Variants in LRP1B observed in about 807,000 individuals in gnomAD.
LRP1B encodes the protein low-density lipoprotein receptor-related protein 1B.
Under a neutral mutation model 556.6 loss-of-function variants are expected in LRP1B, and 217 were observed. That is an observed-to-expected ratio of 0.39 (90% CI 0.35 to 0.44). The LOEUF is 0.44. Ranked by LOEUF, LRP1B falls within the 20% of genes least tolerant of loss-of-function variation. The pLI is 1.00. For synonymous variants in LRP1B, 2,047 were observed against 1,865.8 expected, an observed-to-expected ratio of 1.10 and a Z score of -2.50; for missense variants, 5,053 against 5,620.8, an observed-to-expected ratio of 0.90 and a Z score of 3.23.
intron 2 of LRP1B, among the ~76,000 whole-genome samples, chr2:141,575,509 A>C (rs916193591): frequency 2.0e-5 from 3 of 152,164 alleles, no homozygotes; most frequent in African/African-American, 7.2e-5. Flanking sequence ...TAGAAGAAAA[A>C]CTAGGCAATA....
chr2:140,599,148 T>A (rs1682555555), intron 42 of LRP1B, among the ~76,000 whole-genome samples: 5 of 152,124 alleles, frequency 3.3e-5, no homozygotes, highest in African/African-American at 1.2e-4. Context: ...AAAACAGTGA[T>A]CTTAAGTTTG....
At chr2:140,797,632 T>A (rs1261825126) in intron 32 of LRP1B, among the ~76,000 whole-genome samples, 1 of 152,080 alleles carries the variant, frequency 6.6e-6, no homozygotes. Flanking sequence ...ATGTTATAGA[T>A]CACTATTTTT....
chr2:140,958,259 T>C (rs1046614261), intron 18 of LRP1B, among the ~76,000 whole-genome samples: 23 of 151,554 alleles, frequency 1.5e-4, no homozygotes, highest in African/African-American at 5.6e-4. Flanking sequence ...AGGCTATAGA[T>C]TGAAATCTGA....
chr2:140,940,679 C>T (rs1695374231), intron 20 of LRP1B, among the ~76,000 whole-genome samples: 1 of 152,106 alleles, frequency 6.6e-6, no homozygotes, highest in South Asian at 2.1e-4. Context: ...CACTGATGGG[C>T]ATTTGAATTG....
intron 20 of LRP1B, among the ~76,000 whole-genome samples, chr2:140,949,477 A>T (rs1307793285): frequency 6.6e-6 from 1 of 152,086 alleles, no homozygotes; most frequent in Non-Finnish European, 1.5e-5. Context: ...CTTAGCTTGT[A>T]CTCTAGAAAG....
At chr2:140,393,103 C>CT (rs1437454858) in intron 66 of LRP1B, among the ~76,000 whole-genome samples, 1 of 150,720 alleles carries the variant, frequency 6.6e-6, no homozygotes, top group Non-Finnish European at 1.5e-5. Flanking sequence ...AATTTGTTTT[C>CT]TTTTATTTTT....
chr2:141,917,454 T>C (rs945453078), intron 1 of LRP1B, among the ~76,000 whole-genome samples: 3 of 152,178 alleles, frequency 2.0e-5, no homozygotes, highest in Non-Finnish European at 4.4e-5. Flanking sequence ...GCTAATAAAA[T>C]TTGGACATTA....
intron 1 of LRP1B, among the ~76,000 whole-genome samples, chr2:142,029,073 C>A (rs1324522963): frequency 6.6e-6 from 1 of 151,758 alleles, no homozygotes; most frequent in Non-Finnish European, 1.5e-5. Flanking sequence ...ACTGATAATG[C>A]CTAAGTTCTT....
intron 2 of LRP1B, among the ~76,000 whole-genome samples, chr2:141,603,276 T>C (rs961431823): frequency 2.6e-4 from 39 of 152,170 alleles, no homozygotes; most frequent in African/African-American, 9.2e-4. Flanking sequence ...ATAGAAAACC[T>C]GTGTCAATAA....
At chr2:140,903,432 C>T (rs550656518) in intron 22 of LRP1B, among the ~76,000 whole-genome samples, 15 of 151,984 alleles carry the variant, frequency 9.9e-5, no homozygotes, top group African/African-American at 3.4e-4. Context: ...GTTTGCTTTG[C>T]CCCACAGATG....
chr2:141,977,133 A>C (rs527884140), intron 1 of LRP1B, among the ~76,000 whole-genome samples: 1 of 152,186 alleles, frequency 6.6e-6, no homozygotes, highest in Non-Finnish European at 1.5e-5. Flanking sequence ...CTCAGAAATA[A>C]ATCAACTTTA....
chr2:140,521,108 C>T (rs987351326), intron 49 of LRP1B, among the ~76,000 whole-genome samples: 1 of 151,852 alleles, frequency 6.6e-6, no homozygotes, highest in African/African-American at 2.4e-5. Flanking sequence ...AGAAAGTATG[C>T]AACTTAGAAA....
chr2:140,696,934 C>A (rs146020614), intron 41 of LRP1B, among the ~76,000 whole-genome samples: 1 of 152,218 alleles, frequency 6.6e-6, no homozygotes, highest in Non-Finnish European at 1.5e-5. Context: ...ATATTAAAAT[C>A]ATGCTTATTT....
At chr2:141,311,363 A>C (rs957937448) in intron 3 of LRP1B, among the ~76,000 whole-genome samples, 2 of 152,152 alleles carry the variant, frequency 1.3e-5, no homozygotes, top group Non-Finnish European at 2.9e-5. Context: ...TCCTTCCACT[A>C]TCTTACAGTT....
At chr2:141,655,628 C>T (rs546190623) in intron 2 of LRP1B, among the ~76,000 whole-genome samples, 27 of 151,980 alleles carry the variant, frequency 1.8e-4, no homozygotes, top group Admixed American at 6.6e-4. Context: ...GGGGTTATTG[C>T]TACCATAAAG....
intron 1 of LRP1B, among the ~76,000 whole-genome samples, chr2:141,973,766 C>T (rs1229630708): frequency 6.9e-6 from 1 of 145,046 alleles, no homozygotes; most frequent in Non-Finnish European, 1.5e-5. Flanking sequence ...ATATAGCTTT[C>T]AAATATTGAA....
At chr2:141,600,173 C>T (rs1002036571) in intron 2 of LRP1B, among the ~76,000 whole-genome samples, 2 of 152,108 alleles carry the variant, frequency 1.3e-5, no homozygotes, top group Non-Finnish European at 2.9e-5. Context: ...CCACAATACT[C>T]CTCCTACCTC....
intron 1 of LRP1B, among the ~76,000 whole-genome samples, chr2:141,868,673 A>G (rs1019799442): frequency 6.6e-6 from 1 of 152,140 alleles, no homozygotes; most frequent in Non-Finnish European, 1.5e-5. Flanking sequence ...TTGCTACATT[A>G]AAACTGGATT....
chr2:140,932,980 T>TACACATATACACATATACATA (rs1559202697), intron 20 of LRP1B, among the ~76,000 whole-genome samples: 1 of 151,614 alleles, frequency 6.6e-6, no homozygotes, highest in Non-Finnish European at 1.5e-5. Flanking sequence ...TGTATATATA[T>TACACATATACACATATACATA]TCTGATGCCA....
Sources: allele counts gnomAD v4.1 joint callset (sites outside exome capture counted in the v4.1 genomes callset), GRCh38; gene constraint gnomAD v4.1.1; transcripts MANE v1.5; gene names NCBI Gene and HGNC (gene_info 2026-07-23, HGNC 2026-07-21).